Variants in NFATC3 observed in about 807,000 individuals in gnomAD.
NFATC3 encodes nuclear factor of activated T-cells, cytoplasmic 3.
In NFATC3, 46 loss-of-function variants were observed where a neutral mutation model predicts 98.6. The ratio of observed to expected loss-of-function variants is 0.47; its 90% CI spans 0.37 to 0.60. The LOEUF is 0.60. Among genes scored for constraint, NFATC3 ranks in the 20% least tolerant of loss-of-function variants. NFATC3 has a pLI of 0.00. For synonymous variants in NFATC3, 512 were observed against 472.2 expected, an observed-to-expected ratio of 1.08 and a Z score of -1.09; for missense variants, 1,256 against 1,295.5, an observed-to-expected ratio of 0.97 and a Z score of 0.47.
intron 9 of NFATC3, among the ~76,000 whole-genome samples, chr16:68,203,287 T>A (rs2041004918): frequency 6.6e-6 from 1 of 152,230 alleles, no homozygotes; most frequent in Non-Finnish European, 1.5e-5. Context: ...TACCTTTTTT[T>A]AAATGAATGT....
intron 2 of NFATC3, among the ~76,000 whole-genome samples, chr16:68,126,086 G>A (rs2036822489): frequency 6.6e-6 from 1 of 152,004 alleles, no homozygotes; most frequent in Non-Finnish European, 1.5e-5. Flanking sequence ...GTTTCACCAT[G>A]CTAGCAAGGC....
chr16:68,138,793 G>A (rs1454892253), intron 3 of NFATC3: 1 of 1,259,528 alleles, frequency 7.9e-7, no homozygotes, highest in African/African-American at 1.5e-5. Context: ...AATCTTTGGT[G>A]GTTAGTGTGC....
At chr16:68,159,754 C>T (rs1598469909) in intron 4 of NFATC3, among the ~76,000 whole-genome samples, 2 of 151,688 alleles carry the variant, frequency 1.3e-5, no homozygotes, top group African/African-American at 4.8e-5. Context: ...GAATAACATC[C>T]ATCCCAGGCT....
At chr16:68,167,810 CTTTTTTTTTTTTTTTTTTT>C (rs35302776) in intron 5 of NFATC3, among the ~76,000 whole-genome samples, 90 of 23,920 alleles carry the variant, frequency 3.8e-3, no homozygotes, top group Non-Finnish European at 5.0e-3. Flanking sequence ...CGTATGTGTT[CTTTTTTTTTTTTTTTTTTT>C]TTTTTTTTTT....
intron 6 of NFATC3, among the ~76,000 whole-genome samples, chr16:68,175,256 G>T: frequency 6.6e-6 from 1 of 152,180 alleles, no homozygotes; most frequent in Non-Finnish European, 1.5e-5. Flanking sequence ...GCTTACCAGT[G>T]GTTGGAGGAA....
At chr16:68,142,279 A>G (rs1345872098) in intron 3 of NFATC3, among the ~76,000 whole-genome samples, 1 of 152,022 alleles carries the variant, frequency 6.6e-6, no homozygotes, top group African/African-American at 2.4e-5. Context: ...TCTTCTTGTA[A>G]AGATCTTTTA....
chr16:68,191,685 G>T lies in NFATC3; in HGVS notation c.3016G>T (p.Asp1006Tyr). 1 of 1,614,128 alleles carries T rather than the reference G, an allele frequency of 6.2e-7. No homozygotes were observed. The highest frequency in any genetic ancestry group is 8.5e-7 in the Non-Finnish European group (1 of 1,180,026). The change falls in exon 9 of 10, where the codon GAT becomes TAT. Residue 1006 changes from aspartate to tyrosine, a missense_variant. This residue lies in a region of NFATC3 where 636 missense variants were observed against 617.3 expected (regional missense o/e 1.03). Coordinates refer to ENST00000346183, the MANE Select transcript of NFATC3 (RefSeq NM_173165.3). The stretch of plus-strand genomic sequence containing the variant: ...GTGTGATCCAGCGTCATTTCCACCT[G>T]ATGGGGCAACTGTGAGCATTAAACC... ...SLCDPASFPP[D>Y]GATVSIKPEP...
chr16:68,098,743 G>T (rs1229200461), intron 1 of NFATC3, among the ~76,000 whole-genome samples: 1 of 152,176 alleles, frequency 6.6e-6, no homozygotes, highest in African/African-American at 2.4e-5. Flanking sequence ...TAACAGGTGT[G>T]TAGTGTTATC....
chr16:68,220,920 G>GAA (rs528473011), intron 9 of NFATC3, among the ~76,000 whole-genome samples: 1 of 140,712 alleles, frequency 7.1e-6, no homozygotes. Context: ...CTCTGTCTCA[G>GAA]AAAAAAAAAA....
At chr16:68,212,353 A>G (rs561094772) in intron 9 of NFATC3, 1 of 152,240 alleles carries the variant, frequency 6.6e-6, no homozygotes, top group East Asian at 1.9e-4. Context: ...TTATCTGCTT[A>G]AAAGGAAGGT....
intron 6 of NFATC3, among the ~76,000 whole-genome samples, chr16:68,178,658 A>G (rs915762569): frequency 6.6e-6 from 1 of 152,222 alleles, no homozygotes; most frequent in Non-Finnish European, 1.5e-5. Flanking sequence ...TCATCAAGAA[A>G]GGTCTTTCTG....
At chr16:68,205,278 TGC>T (rs2041098739) in intron 9 of NFATC3, among the ~76,000 whole-genome samples, 1 of 152,160 alleles carries the variant, frequency 6.6e-6, no homozygotes, top group Non-Finnish European at 1.5e-5. Flanking sequence ...GACAGGAGTT[TGC>T]TCTGTTGATC....
At chr16:68,116,896 A>G (rs1405270006) in intron 1 of NFATC3, among the ~76,000 whole-genome samples, 1 of 152,160 alleles carries the variant, frequency 6.6e-6, no homozygotes, top group Non-Finnish European at 1.5e-5. Flanking sequence ...CAGTTTGAAA[A>G]TAAGCAGTAC....
chr16:68,212,034 C>G (rs1261749493), intron 9 of NFATC3, among the ~76,000 whole-genome samples: 1 of 152,174 alleles, frequency 6.6e-6, no homozygotes, highest in Admixed American at 6.5e-5. Context: ...GGGATGCTTT[C>G]TTATGATTTT....
Position 68,228,193 on chromosome 16 carries a change from A to AG in NFATC3, c.*1722_*1723insG. ...TAAAGTTAGTTAGAGAAAAAGGTCT[A>AG]TTCTTCAGCAGATCACTGTGGCCCC... is the stretch of plus-strand genomic sequence containing the variant. On this transcript the variant is annotated 3_prime_UTR_variant, in exon 10 of 10. Transcript: ENST00000346183. The AG allele has an allele frequency of 6.6e-6, 1 of 152,230 alleles. No individual in the cohort carries two copies. Among genetic ancestry groups the AG allele is most frequent in the African/African-American group, 2.4e-5 (1 of 41,446 alleles). The allele number at this position is 152,230 out of a possible 1,614,324, so 9.4% of individuals were successfully genotyped here. A position where few individuals can be genotyped will look rare whatever the true frequency, so the allele number is the denominator to read the frequency against.
intron 1 of NFATC3, among the ~76,000 whole-genome samples, chr16:68,101,284 C>T (rs1272683946): frequency 6.6e-6 from 1 of 151,812 alleles, no homozygotes; most frequent in Non-Finnish European, 1.5e-5. Context: ...GCTGGAACCA[C>T]AGGTGTGCAC....
intron 8 of NFATC3, among the ~76,000 whole-genome samples, chr16:68,184,866 GAGAAAGTTCTCTAC>G (rs2151632229): frequency 6.6e-6 from 1 of 152,228 alleles, no homozygotes; most frequent in East Asian, 1.9e-4. Context: ...TGTAAAGAGA[GAGAAAGTTCTCTAC>G]AGAAACCTAG....
chr16:68,166,143 G>A (rs1171887828), intron 4 of NFATC3, among the ~76,000 whole-genome samples: 1 of 152,204 alleles, frequency 6.6e-6, no homozygotes, highest in Non-Finnish European at 1.5e-5. Context: ...GTAGTTACAT[G>A]TGTAGAATTA....
At chr16:68,171,349 G>C (rs1206739637) in intron 5 of NFATC3, among the ~76,000 whole-genome samples, 1 of 152,112 alleles carries the variant, frequency 6.6e-6, no homozygotes, top group Non-Finnish European at 1.5e-5. Flanking sequence ...CCTGTAATCA[G>C]TGTTTGTTTT....
Sources: gnomAD v4.1 joint callset for allele counts (sites outside exome capture counted in the v4.1 genomes callset) on GRCh38, gnomAD v4.1.1 for gene constraint, gnomAD v4.1.1 regional missense constraint, MANE v1.5 for transcripts, NCBI Gene and HGNC (gene_info 2026-07-23, HGNC 2026-07-21) for gene names.